Variants in SHANK2 observed in about 807,000 individuals in gnomAD.
SHANK2 encodes SH3 and multiple ankyrin repeat domains protein 2.
A neutral mutation model predicts 133.7 loss-of-function variants in SHANK2; 43 were observed. The ratio of observed to expected loss-of-function variants is 0.32; its 90% confidence interval spans 0.25 to 0.41. The LOEUF (loss-of-function observed/expected upper bound fraction) is 0.41. SHANK2 is among the 10% of genes least tolerant of loss of function. The pLI is 1.00. For synonymous variants in SHANK2, 1,017 were observed against 952.8 expected, an observed-to-expected ratio of 1.07 and a Z score of -1.24; for missense variants, 1,994 against 2,235.8, an observed-to-expected ratio of 0.89 and a Z score of 2.18.
At chr11:70,610,916 T>C (rs1439958110) in intron 17 of SHANK2, among the ~76,000 whole-genome samples, 1 of 152,124 alleles carries the variant, frequency 6.6e-6, no homozygotes, top group East Asian at 1.9e-4. Context: ...AAACAAATGG[T>C]CCTTTGAAGA....
chr11:70,597,740 G>A (rs1300142293), intron 17 of SHANK2, among the ~76,000 whole-genome samples: 1 of 152,222 alleles, frequency 6.6e-6, no homozygotes, highest in Non-Finnish European at 1.5e-5. Context: ...GGGCAGAATG[G>A]TGGGCACCTG....
intron 17 of SHANK2, among the ~76,000 whole-genome samples, chr11:70,622,416 C>A (rs933804295): frequency 1.2e-4 from 18 of 152,130 alleles, no homozygotes; most frequent in African/African-American, 4.1e-4. Context: ...GGCTTCCTGA[C>A]CCTCTGTGCG....
At position 70,896,647 on chromosome 11, in the gene SHANK2, C is replaced by T. The variant is rs1019435082; in HGVS notation, c.1108-80G>A. On this transcript the variant is annotated intron_variant, in intron 10 of 25. Transcript: ENST00000601538. ...GCATATACTATTACATCATTGAAGG[C>T]CTAACACCAAAAGAAGTCCAATCAG... is the stretch of plus-strand genomic sequence containing the variant. The T allele has an allele frequency of 3.1e-5, 21 of 678,988 alleles. No homozygotes were observed. In the East Asian group the frequency reaches 5.2e-4, roughly 17 times the overall value. The allele number at this position is 678,988 out of a possible 1,614,324, so 42.1% of individuals were successfully genotyped here. A position where few individuals can be genotyped will look rare whatever the true frequency, so the allele number is the denominator to read the frequency against.
chr11:70,597,589 T>C (rs1554989852), intron 17 of SHANK2, among the ~76,000 whole-genome samples: 1 of 152,118 alleles, frequency 6.6e-6, no homozygotes, highest in African/African-American at 2.4e-5. Flanking sequence ...ACCAGAGTGA[T>C]GGGCCGGGTG....
intron 15 of SHANK2, among the ~76,000 whole-genome samples, chr11:70,684,895 C>T (rs1299618610): frequency 6.6e-6 from 1 of 152,136 alleles, no homozygotes; most frequent in East Asian, 1.9e-4. Flanking sequence ...CTCCAGAGAT[C>T]CCTCTTGGCT....
intron 11 of SHANK2, chr11:70,863,896 C>G (rs1555068465): frequency 2.2e-6 from 1 of 456,760 alleles, no homozygotes; most frequent in Admixed American, 2.4e-5. Context: ...GAAACCAGCC[C>G]TGGGACACCC....
Position 71,210,210 on chromosome 11 carries a change from G to GTGTATA in SHANK2, c.-13+14486_-13+14487insTATACA, listed in dbSNP as rs1491563939. 1.5e-3 allele frequency among the ~76,000 whole-genome samples: 81 copies of GTGTATA among 54,056 alleles called. 4 individuals carry two copies. Among genetic ancestry groups the GTGTATA allele is most frequent in the East Asian group, 5.3e-3 (5 of 944 alleles). The allele number at this position is 54,056 out of a possible 152,430, so 35.5% of individuals were successfully genotyped here. A position where few individuals can be genotyped will look rare whatever the true frequency, so the allele number is the denominator to read the frequency against. On this transcript the variant is annotated intron_variant, in intron 2 of 25. Coordinates refer to ENST00000601538, the MANE Select transcript of SHANK2 (RefSeq NM_012309.5). Reference sequence around the variant, plus strand: ...GGTCCTCTTCATTGGAAATCCACAGGTATATATATATATATATATATATAT... The same window carrying GTGTATA: ...GGTCCTCTTCATTGGAAATCCACAGGTGTATATATATATATATATATATATATATAT...
chr11:70,888,816 CAAAAAAAAAGA>C (rs1201354080), intron 11 of SHANK2, among the ~76,000 whole-genome samples: 30 of 135,642 alleles, frequency 2.2e-4, no homozygotes, highest in Non-Finnish European at 3.4e-4. Context: ...GACGCCATCT[CAAAAAAAAAGA>C]AAAAAAAAAG....
intron 2 of SHANK2, among the ~76,000 whole-genome samples, chr11:71,166,155 A>G (rs1555110802): frequency 6.6e-6 from 1 of 152,194 alleles, no homozygotes; most frequent in Non-Finnish European, 1.5e-5. Flanking sequence ...AAAACTACAC[A>G]GGCCAAGCAC....
intron 10 of SHANK2, among the ~76,000 whole-genome samples, chr11:70,927,893 C>T (rs569191035): frequency 3.3e-5 from 5 of 152,322 alleles, no homozygotes; most frequent in Admixed American, 2.6e-4. Flanking sequence ...CTCTCCCCAG[C>T]TGACTGCTGG....
At chr11:70,817,413 G>A (rs1948422028) in intron 12 of SHANK2, among the ~76,000 whole-genome samples, 1 of 152,242 alleles carries the variant, frequency 6.6e-6, no homozygotes, top group African/African-American at 2.4e-5. Context: ...GGCCAAGAAA[G>A]AAGGGACTGA....
At chr11:70,548,524 C>T (rs2059724682) in intron 17 of SHANK2, among the ~76,000 whole-genome samples, 2 of 152,196 alleles carry the variant, frequency 1.3e-5, no homozygotes, top group South Asian at 4.1e-4. Context: ...TGTGCCCGGA[C>T]ATGGAGCCCA....
At chr11:71,097,170 A>G (rs1359844231) in intron 6 of SHANK2, among the ~76,000 whole-genome samples, 2 of 151,786 alleles carry the variant, frequency 1.3e-5, no homozygotes, top group Non-Finnish European at 2.9e-5. Context: ...TTGCATGTTC[A>G]CCTCTGGCCA....
intron 17 of SHANK2, among the ~76,000 whole-genome samples, chr11:70,589,059 C>T (rs1453127234): frequency 2.0e-5 from 3 of 152,364 alleles, no homozygotes; most frequent in Non-Finnish European, 4.4e-5. Context: ...CCTCATGACC[C>T]TTCCACCTCG....
chr11:71,181,700 C>T (rs1358389401), intron 2 of SHANK2, among the ~76,000 whole-genome samples: 1 of 152,098 alleles, frequency 6.6e-6, no homozygotes, highest in Non-Finnish European at 1.5e-5. Flanking sequence ...GCAACCGTGA[C>T]ACCGCATGCA....
chr11:70,643,741 C>T, intron 17 of SHANK2, among the ~76,000 whole-genome samples: 1 of 152,090 alleles, frequency 6.6e-6, no homozygotes, highest in Non-Finnish European at 1.5e-5. Context: ...GGGTTGAGCT[C>T]CTGCCATGTG....
At chr11:70,702,449 C>T (rs1016345082) in intron 14 of SHANK2, among the ~76,000 whole-genome samples, 1 of 152,084 alleles carries the variant, frequency 6.6e-6, no homozygotes, top group Non-Finnish European at 1.5e-5. Flanking sequence ...ACATCATCAC[C>T]ACCATCATCA....
chr11:70,904,760 A>G (rs1555077543), intron 10 of SHANK2, among the ~76,000 whole-genome samples: 1 of 152,108 alleles, frequency 6.6e-6, no homozygotes, highest in Non-Finnish European at 1.5e-5. Context: ...TGCCCACGTC[A>G]GCCTCCCAAA....
intron 15 of SHANK2, among the ~76,000 whole-genome samples, chr11:70,689,281 A>G (rs1028258833): frequency 5.9e-5 from 9 of 152,264 alleles, no homozygotes; most frequent in Non-Finnish European, 7.3e-5. Context: ...AGGCAAAGAA[A>G]AAAATCTTGA....
Sources: gnomAD v4.1 joint callset for allele counts (sites outside exome capture counted in the v4.1 genomes callset) on GRCh38, gnomAD v4.1.1 for gene constraint, MANE v1.5 for transcripts, NCBI Gene and HGNC (gene_info 2026-07-23, HGNC 2026-07-21) for gene names.